Variants in NMNAT1 observed in about 807,000 individuals in gnomAD.
The protein encoded by NMNAT1 is nicotinamide/nicotinic acid mononucleotide adenylyltransferase 1.
A neutral mutation model predicts 16.7 loss-of-function variants in NMNAT1; 11 were observed. That is an observed-to-expected ratio of 0.66 (90% confidence interval 0.41 to 1.09). The LOEUF is 1.09. NMNAT1 is among the 50% of genes least tolerant of loss of function. The pLI, the probability that NMNAT1 is intolerant of heterozygous loss-of-function variation, is 0.00. For missense variants in NMNAT1, 280 were observed against 332.3 expected (o/e 0.84, Z 1.22); for synonymous variants, 110 against 119.8 (o/e 0.92, Z 0.53).
the NMNAT1 span, among the ~76,000 whole-genome samples, chr1:9,991,072 T>TA: frequency 6.6e-6 from 1 of 152,262 alleles, no homozygotes; most frequent in South Asian, 2.1e-4. Flanking sequence ...AGGTTAAAAC[T>TA]ATTATTAGTT....
intron 3 of NMNAT1, 116 bp downstream of exon 3, chr1:9,975,891 C>G (rs76819548): frequency 2.4e-5 from 20 of 820,132 alleles, no homozygotes; most frequent in Non-Finnish European, 3.5e-5. Flanking sequence ...AAAACTGTCA[C>G]GTGTGTTGTA....
chr1:9,974,934 C>T lies in NMNAT1; in HGVS notation c.116-658C>T, dbSNP rs549376394. Among the ~76,000 whole-genome samples the T allele has an allele frequency of 1.0e-3, 152 of 152,208 alleles. 1 individual carries two copies. The highest frequency in any genetic ancestry group is 1.9e-3 in the Non-Finnish European group (129 of 68,018). ...ACATTGAGAAATGGGCTTTTGCATA[C>T]ATCTAGGTGGACAATACAAATTAAG... On this transcript the variant is annotated intron_variant, in intron 2 of 4. Transcript: ENST00000377205.
At chr1:9,978,187 C>A (rs1215611595) in intron 3 of NMNAT1, among the ~76,000 whole-genome samples, 1 of 152,138 alleles carries the variant, frequency 6.6e-6, no homozygotes, top group East Asian at 1.9e-4. Context: ...CAAACCCCGT[C>A]TCTACTAAAA....
At position 9,975,795 on chromosome 1, in the gene NMNAT1, C is replaced by T. The variant is rs1439512045; in HGVS notation, c.299+20C>T. On this transcript the variant is annotated intron_variant, in intron 3 of 4. Transcript: ENST00000377205. Reference sequence around the variant, plus strand: ...GCTAAGGTATTTATGGTGTAATCAACTTTGTCAGTTCTGTGTAAATGGCTA... The same window carrying T: ...GCTAAGGTATTTATGGTGTAATCAATTTTGTCAGTTCTGTGTAAATGGCTA... 1 of 1,590,778 alleles carries T rather than the reference C, an allele frequency of 6.3e-7. No individual in the cohort carries two copies. The highest frequency in any genetic ancestry group is 8.6e-7 in the Non-Finnish European group (1 of 1,164,506).
intron 1 of NMNAT1, among the ~76,000 whole-genome samples, chr1:9,944,290 G>A (rs572589882): frequency 3.3e-5 from 5 of 151,998 alleles, no homozygotes; most frequent in Non-Finnish European, 5.9e-5. Context: ...CTTGGCTGTC[G>A]CGGTGTGACA....
chr1:9,968,079 TG>T (rs1395346014), intron 1 of NMNAT1, among the ~76,000 whole-genome samples: 24 of 92,710 alleles, frequency 2.6e-4, no homozygotes, highest in Admixed American at 6.7e-4. Context: ...TTTTTTTTTT[TG>T]TTTTTTTTTG....
intron 2 of NMNAT1, among the ~76,000 whole-genome samples, chr1:9,973,760 C>T (rs888606279): frequency 2.8e-5 from 4 of 143,878 alleles, no homozygotes; most frequent in South Asian, 4.6e-4. Flanking sequence ...CGTGGTGGCA[C>T]ATACCTGTAA....
chr1:9,981,194 A>G (rs1184425988), intron 4 of NMNAT1, 24 bp downstream of exon 4: 4 of 1,598,232 alleles, frequency 2.5e-6, no homozygotes, highest in Non-Finnish European at 2.6e-6. Flanking sequence ...AGCAGGACCC[A>G]CGGACTAGAG....
At chr1:9,982,156 C>T (rs369678824) in intron 4 of NMNAT1, 145 bp from the exon 5 acceptor site, 1 of 1,090,626 alleles carries the variant, frequency 9.2e-7, no homozygotes, top group African/African-American at 1.6e-5. Flanking sequence ...AGCCACCGCA[C>T]TCGGCCTAAG....
At chr1:9,948,317 G>A (rs774326950) in intron 1 of NMNAT1, among the ~76,000 whole-genome samples, 60 of 152,226 alleles carry the variant, frequency 3.9e-4, no homozygotes, top group Non-Finnish European at 7.1e-4. Flanking sequence ...GCTCATGCTC[G>A]TAATCCCAAC....
At position 9,982,410 on chromosome 1, in the gene NMNAT1, C is replaced by T; in HGVS notation, c.549C>T (p.Leu183=). ...DITQIVANYG[L]ICVTRAGNDA... is the part of the protein sequence containing the mutation. ...CCCAAATCGTGGCCAACTATGGGCTCATATGTGTTACTCGGGCTGGAAATG... is the reference window on the plus strand; with the variant it reads ...CCCAAATCGTGGCCAACTATGGGCTTATATGTGTTACTCGGGCTGGAAATG... Residue 183 remains leucine (L), a synonymous_variant, in exon 5 of 5, where the codon CTC becomes CTT. Coordinates refer to ENST00000377205, the MANE Select transcript of NMNAT1 (RefSeq NM_022787.4). 1.2e-6 allele frequency: 2 copies of T among 1,614,092 alleles called. No individual in the cohort carries two copies. The highest frequency in any genetic ancestry group is 2.2e-5 in the South Asian group (2 of 91,068).
intron 4 of NMNAT1, 98 bp downstream of exon 4, chr1:9,981,268 T>A (rs1191724589): frequency 6.6e-7 from 1 of 1,512,898 alleles, no homozygotes; most frequent in South Asian, 1.3e-5. Flanking sequence ...GGAGTCTCGC[T>A]CTATCACCCA....
the NMNAT1 span, among the ~76,000 whole-genome samples, chr1:9,996,052 C>T: frequency 6.6e-6 from 1 of 151,740 alleles, no homozygotes; most frequent in South Asian, 2.1e-4. Flanking sequence ...TGGCTCAGGC[C>T]TGTAATCCCA....
At chr1:9,942,990 T>A, upstream of NMNAT1, 1 of 344,342 alleles carries the variant, frequency 2.9e-6, no homozygotes, top group South Asian at 2.2e-5. Context: ...CGGACACGCC[T>A]TGAGGGATGG....
At chr1:9,995,616 C>T in the NMNAT1 span, among the ~76,000 whole-genome samples, 2 of 152,024 alleles carry the variant, frequency 1.3e-5, no homozygotes, top group Non-Finnish European at 2.9e-5. Context: ...GTTGCTTGAA[C>T]CCAAGAGGCG....
At chr1:9,948,345 T>C (rs1641026201) in intron 1 of NMNAT1, among the ~76,000 whole-genome samples, 1 of 151,986 alleles carries the variant, frequency 6.6e-6, no homozygotes, top group Non-Finnish European at 1.5e-5. Flanking sequence ...GAGGTTAAGG[T>C]GGGCGGATTG....
intron 4 of NMNAT1, among the ~76,000 whole-genome samples, 194 bp from the exon 5 acceptor site, chr1:9,982,107 C>A (rs900733345): frequency 6.6e-6 from 1 of 152,234 alleles, no homozygotes; most frequent in Non-Finnish European, 1.5e-5. Context: ...AAGTGATCTA[C>A]CCGCCTCGGC....
At position 9,972,087 on chromosome 1, in the gene NMNAT1, A is replaced by G; in HGVS notation, c.14A>G (p.Glu5Gly). The G allele has an allele frequency of 6.2e-7, 1 of 1,602,560 alleles. No individual in the cohort carries two copies. The highest frequency in any genetic ancestry group is 8.5e-7 in the Non-Finnish European group (1 of 1,169,730). The change falls in exon 2 of 5, where the codon GAG (glutamate) becomes GGG (glycine). Residue 5 changes from glutamate (E) to glycine (G), a missense_variant. Glu to Gly is a moderately conservative substitution (Grantham distance 98). Transcript: ENST00000377205. ...CAAGTTCTTACCATGGAAAATTCCGAGAAGACTGAAGTGGTTCTCCTTGCT... is the reference window on the plus strand; with the variant it reads ...CAAGTTCTTACCATGGAAAATTCCGGGAAGACTGAAGTGGTTCTCCTTGCT... MENSEKTEVVLLACG... is the reference protein window; with the variant it reads MENSGKTEVVLLACG...
At position 9,977,594 on chromosome 1, in the gene NMNAT1, T is replaced by A. The variant is rs186020220; in HGVS notation, c.299+1819T>A. ...TACTTAAAAGAGCTGAGGCCGGGCG[T>A]GGTAGCTCATGACTATAATCCCAGC... is the stretch of plus-strand genomic sequence containing the variant. On this transcript the variant is annotated intron_variant, in intron 3 of 4. Coordinates refer to ENST00000377205, the MANE Select transcript of NMNAT1 (RefSeq NM_022787.4). Among the ~76,000 whole-genome samples the A allele has an allele frequency of 1.3e-3, 192 of 152,078 alleles. 2 individuals carry two copies. The highest frequency in any genetic ancestry group is 4.5e-3 in the African/African-American group (185 of 41,480).
Sources: gnomAD v4.1 joint callset for allele counts (sites outside exome capture counted in the v4.1 genomes callset) on GRCh38, gnomAD v4.1.1 for gene constraint, MANE v1.5 for transcripts, NCBI Gene and HGNC (gene_info 2026-07-23, HGNC 2026-07-21) for gene names.